Variants in KMT2D observed in about 807,000 individuals in gnomAD.
The protein encoded by KMT2D is lysine methyltransferase 2D.
In KMT2D, 55 loss-of-function variants were observed where a neutral mutation model predicts 512.7. The observed-to-expected ratio is 0.11, with a 90% CI of 0.09 to 0.13. The LOEUF (loss-of-function observed/expected upper bound fraction) is 0.13, where lower values mean the gene tolerates loss of function less well. KMT2D is among the 10% of genes least tolerant of loss of function. KMT2D has a pLI of 1.00. For synonymous variants in KMT2D, 2,995 were observed against 2,904.0 expected, an observed-to-expected ratio of 1.03 and a Z score of -1.01; for missense variants, 6,061 against 7,127.9, an observed-to-expected ratio of 0.85 and a Z score of 5.39.
At chr12:49,043,293 T>C (rs2120566032) in intron 25 of KMT2D, 70 bp downstream of exon 25, 1 of 1,565,380 alleles carries the variant, frequency 6.4e-7, no homozygotes, top group Non-Finnish European at 8.8e-7. Context: ...CTGACAATGC[T>C]CAGGGGCACA....
chr12:49,046,798 A>G lies in KMT2D; in HGVS notation c.4237-8T>C. On this transcript the variant is annotated splice_region_variant and splice_polypyrimidine_tract_variant and intron_variant, in intron 15 of 54. Coordinates refer to ENST00000301067, the MANE Select transcript of KMT2D (RefSeq NM_003482.4). The surrounding 1 kb of genome is among the most constrained non-coding windows in gnomAD (Gnocchi z 4.2). ...CAGCATCACCTTGGTGATCTGGGGC[A>G]GAAGATGGGAACTTCTCAGGGTGTG... 1.2e-6 allele frequency: 2 copies of G among 1,609,166 alleles called. No individual in the cohort carries two copies. Among genetic ancestry groups the G allele is most frequent in the South Asian group, 1.1e-5 (1 of 90,720 alleles).
rs1290649229 is a variant in KMT2D at position 49,037,982 on chromosome 12, C to A, written c.9374G>T (p.Gly3125Val). 3 of 1,601,680 alleles carry A rather than the reference C, an allele frequency of 1.9e-6. No homozygotes were observed. Among genetic ancestry groups the A allele is most frequent in the African/African-American group, 2.7e-5 (2 of 74,660 alleles). Residue 3125 changes from glycine to valine, a missense_variant, in exon 35 of 55, where the codon GGT becomes GTT. Transcript: ENST00000301067. ...TTGGCAAGGAGAAGGGTGGCGTCCA[C>A]CCTCCTCCACCTTGGGCTTCACCTC... ...LPEVKPKVEE[G>V]GRHPSPCQFT...
At chr12:49,053,891 A>G (rs2120701280) in intron 6 of KMT2D, 87 bp downstream of exon 6, 15 of 1,395,542 alleles carry the variant, frequency 1.1e-5, no homozygotes, top group Non-Finnish European at 1.5e-5. Context: ...ATAATGCTAT[A>G]CTTTGATCAG....
In KMT2D at chr12:49,047,868, T is replaced by A. The variant is rs188653319; in HGVS notation, c.4236+97A>T. The A allele has an allele frequency of 3.0e-4, 251 of 825,002 alleles. 1 individual carries two copies. In the Admixed American group the frequency reaches 4.6e-3, roughly 15 times the overall value. The allele number at this position is 825,002 out of a possible 1,614,324, so 51.1% of individuals were successfully genotyped here. A position where few individuals can be genotyped will look rare whatever the true frequency, so the allele number is the denominator to read the frequency against. ...GTGACTAATGAACAACCATGACCGA[T>A]GGCCGCTTTAAGAGGTGGTATGGCC... On this transcript the variant is annotated intron_variant, in intron 15 of 54. Coordinates refer to ENST00000301067, the MANE Select transcript of KMT2D (RefSeq NM_003482.4).
intron 47 of KMT2D, 21 bp from the exon 48 acceptor site, chr12:49,027,951 G>C (rs1942687929): frequency 1.9e-6 from 3 of 1,613,566 alleles, no homozygotes; most frequent in East Asian, 2.2e-5. Context: ...GAGTGGATCA[G>C]AGCCTCCCAC....
Position 49,051,156 on chromosome 12 carries a change from A to T in KMT2D, c.2527T>A (p.Ser843Thr), listed in dbSNP as rs2120664251. 2.6e-6 allele frequency: 4 copies of T among 1,514,972 alleles called. No individual in the cohort carries two copies. The highest frequency in any genetic ancestry group is 3.5e-6 in the Non-Finnish European group (4 of 1,129,884). The allele number at this position is 1,514,972 out of a possible 1,614,324, so 93.8% of individuals were successfully genotyped here. The change falls in exon 11 of 55, where the codon TCC (serine) becomes ACC (threonine). Residue 843 changes from serine to threonine, a missense_variant. Coordinates refer to ENST00000301067, the MANE Select transcript of KMT2D (RefSeq NM_003482.4). ...LSPQSEEPCL[S>T]PRPEESHLSP... ...AGATGCGATTCCTCAGGCCGGGGGG[A>T]CAGGCATGGCTCCTCAGACTGGGGG... is the stretch of plus-strand genomic sequence containing the variant.
intron 26 of KMT2D, 66 bp downstream of exon 26, chr12:49,043,010 G>A (rs1943611060): frequency 6.4e-7 from 1 of 1,558,398 alleles, no homozygotes; most frequent in Non-Finnish European, 8.8e-7. Flanking sequence ...CAGTCCCAAA[G>A]ATAGGACCTC....
At position 49,026,467 on chromosome 12, in the gene KMT2D, T is replaced by C. The variant is rs752976776; in HGVS notation, c.15499A>G (p.Ser5167Gly). The change falls in exon 49 of 55, where the codon AGC becomes GGC. Residue 5167 changes from serine (S) to glycine (G), a missense_variant. This residue lies in a region of KMT2D where 261 missense variants were observed against 440.7 expected (regional missense o/e 0.59). Coordinates refer to ENST00000301067, the MANE Select transcript of KMT2D (RefSeq NM_003482.4). This position sits in a 1 kb window ranked among gnomAD's most constrained non-coding sequence, Gnocchi z 9.6. ...IERDEVKQIA[S>G]IIQRGERLHM... The stretch of plus-strand genomic sequence containing the variant: ...AGCCGTTCTCCCCGCTGAATGATGC[T>C]AGCGATTTGCTTCACCTCGTCCCGC... 24 of 1,613,806 alleles carry C rather than the reference T, an allele frequency of 1.5e-5. No homozygotes were observed. In the Admixed American group the frequency reaches 3.8e-4, roughly 26 times the overall value.
chr12:49,042,156 C>A lies in KMT2D; in HGVS notation c.6042G>T (p.Gln2014His), dbSNP rs1161895683. Residue 2014 changes from glutamine (Q) to histidine (H), a missense_variant, in exon 29 of 55, where the codon CAG (glutamine) becomes CAT (histidine). Gln to His is a conservative substitution (Grantham distance 24). This residue lies in a region of KMT2D where 640 missense variants were observed against 814.3 expected (regional missense o/e 0.79). Transcript: ENST00000301067. The surrounding 1 kb of genome is among the most constrained non-coding windows in gnomAD (Gnocchi z 4.4). ...QRWEKDEELGQLSTISPVLYA... is the reference protein window; with the variant it reads ...QRWEKDEELGHLSTISPVLYA... ...AGAGCACAGGTGAGATGGTGGACAGCTGGCCCAACTCCTCATCCTTCTCCC... is the reference window on the plus strand; with the variant it reads ...AGAGCACAGGTGAGATGGTGGACAGATGGCCCAACTCCTCATCCTTCTCCC... The A allele has an allele frequency of 6.2e-7, 1 of 1,613,064 alleles. No homozygotes were observed. Among genetic ancestry groups the A allele is most frequent in the South Asian group, 1.1e-5 (1 of 90,784 alleles).
In KMT2D at chr12:49,038,323, G is replaced by A. The variant is rs763181060; in HGVS notation, c.9033C>T (p.His3011=). ...KALEDDEELA[H]LGLGVDVAKG... ...TGGCCACATCCACACCCAGACCCAG[G>A]TGAGCAAGCTCTTCATCATCCTCTA... is the stretch of plus-strand genomic sequence containing the variant. The change falls in exon 35 of 55, where the codon CAC becomes CAT. Residue 3011 remains histidine (H), a synonymous_variant. Coordinates refer to ENST00000301067, the MANE Select transcript of KMT2D (RefSeq NM_003482.4). The surrounding 1 kb of genome is among the most constrained non-coding windows in gnomAD (Gnocchi z 5.7). The A allele has an allele frequency of 3.7e-6, 6 of 1,613,856 alleles. No individual in the cohort carries two copies. In the South Asian group the frequency reaches 6.6e-5, roughly 18 times the overall value.
intron 35 of KMT2D, among the ~76,000 whole-genome samples, chr12:49,036,720 G>T (rs994579236): frequency 6.6e-6 from 1 of 151,980 alleles, no homozygotes; most frequent in African/African-American, 2.4e-5. Context: ...GGCTGGTCTT[G>T]AACTCCTGAT....
rs587778466 is a variant in KMT2D at position 49,040,541 on chromosome 12, C to A, written c.7229G>T (p.Arg2410Leu). 6.2e-7 allele frequency: 1 copy of A among 1,604,670 alleles called. No homozygotes were observed. Among genetic ancestry groups the A allele is most frequent in the East Asian group, 2.2e-5 (1 of 44,670 alleles). Residue 2410 changes from arginine (R) to leucine (L), a missense_variant, in exon 32 of 55, where the codon CGA (arginine) becomes CTA (leucine). Arg to Leu is a moderately radical substitution (Grantham distance 102). This residue lies in a region of KMT2D where 710 missense variants were observed against 647.3 expected (regional missense o/e 1.10). Coordinates refer to ENST00000301067, the MANE Select transcript of KMT2D (RefSeq NM_003482.4). ...CTGGGACTGAGGACTGGCAGGCACT[C>A]GGGAGAAAGGGTCGGAGGGCAGTGA... The part of the protein sequence containing the change: ...PRSLPSDPFS[R>L]VPASPQSQSS...
In KMT2D at chr12:49,052,936, T is replaced by C. The variant is rs372119165; in HGVS notation, c.1091A>G (p.Gln364Arg). The C allele has an allele frequency of 3.7e-5, 60 of 1,613,914 alleles. No homozygotes were observed. Among genetic ancestry groups the C allele is most frequent in the Non-Finnish European group, 4.7e-5 (56 of 1,179,882 alleles). The change falls in exon 9 of 55, where the codon CAG (glutamine) becomes CGG (arginine). Residue 364 changes from glutamine (Q) to arginine (R), a missense_variant. By Grantham distance (43) the Gln-to-Arg change is conservative. This residue lies in a region of KMT2D where 848 missense variants were observed against 838.5 expected (regional missense o/e 1.01). Coordinates refer to ENST00000301067, the MANE Select transcript of KMT2D (RefSeq NM_003482.4). Reference protein sequence around the residue: ...GGQTIRSVAEQHTPVCSRFSP... With the variant: ...GGQTIRSVAERHTPVCSRFSP... ...TTACCTGCTACACACCGGGGTATGC[T>C]GCTCAGCAACGGAGCGGATAGTCTG...
chr12:49,038,203 T>G lies in KMT2D; in HGVS notation c.9153A>C (p.Ala3051=), dbSNP rs1393695770. ...LLNGDEFDLL[A]YTDPELDTGD... ...CAGTGTCCAGCTCAGGATCAGTATA[T>G]GCCAGCAGGTCAAACTCGTCTCCAT... Residue 3051 remains alanine (A), a synonymous_variant, in exon 35 of 55, where the codon GCA becomes GCC. Transcript: ENST00000301067. The surrounding 1 kb of genome is among the most constrained non-coding windows in gnomAD (Gnocchi z 5.7). 3.7e-6 allele frequency: 6 copies of G among 1,613,888 alleles called. No individual in the cohort carries two copies. The highest frequency in any genetic ancestry group is 1.7e-5 in the Admixed American group (1 of 60,028).
intron 1 of KMT2D, among the ~76,000 whole-genome samples, chr12:49,055,782 C>A (rs1175472741): frequency 6.6e-6 from 1 of 152,178 alleles, no homozygotes; most frequent in Admixed American, 6.5e-5. Flanking sequence ...TCTGTGCCAA[C>A]CCAGGGGTAG....
At chr12:49,028,362 C>T (rs76399586) in intron 46 of KMT2D, among the ~76,000 whole-genome samples, 2 of 152,306 alleles carry the variant, frequency 1.3e-5, no homozygotes, top group African/African-American at 4.8e-5. Context: ...ACATCAACTA[C>T]GTTTAGGAAA....
intron 36 of KMT2D, 72 bp downstream of exon 36, chr12:49,034,740 T>C (rs1464548062): frequency 1.9e-6 from 3 of 1,605,636 alleles, no homozygotes; most frequent in Admixed American, 1.7e-5. Flanking sequence ...GTGGGACAAG[T>C]AGGGAGGGGA....
rs1164333482 is a variant in KMT2D at position 49,042,259 on chromosome 12, G to A, written c.5939C>T (p.Thr1980Met). ...DSPWTGSGGT[T>M]PSTPTTPTTE... ...GGTGGGGGTTGTGGGGGTGGAGGGC[G>A]TGGTGCCACCTGAGCCCGTCCAGGG... Residue 1980 changes from threonine to methionine, a missense_variant, in exon 29 of 55, where the codon ACG (threonine) becomes ATG (methionine). Physicochemically the swap from Thr to Met is moderately conservative, Grantham distance 81 (BLOSUM62 -1). Around this residue, in one of 16 missense-constraint regions of KMT2D, gnomAD observed 640 missense variants for 814.3 expected, o/e 0.79. Transcript: ENST00000301067. This position sits in a 1 kb window ranked among gnomAD's most constrained non-coding sequence, Gnocchi z 4.4. The A allele has an allele frequency of 4.4e-6, 7 of 1,581,644 alleles. No individual in the cohort carries two copies. The highest frequency in any genetic ancestry group is 6.0e-6 in the Non-Finnish European group (7 of 1,164,206).
chr12:49,043,313 C>G (rs752815835), intron 25 of KMT2D, 50 bp downstream of exon 25: 15 of 1,590,086 alleles, frequency 9.4e-6, no homozygotes, highest in African/African-American at 1.3e-5. Flanking sequence ...AGCAGAGGGA[C>G]AGAGGCAAGC....
Sources: allele counts gnomAD v4.1 joint callset (sites outside exome capture counted in the v4.1 genomes callset), GRCh38; gene constraint gnomAD v4.1.1; regional missense constraint gnomAD v4.1.1; non-coding constraint Gnocchi (gnomAD v3.1); transcripts MANE v1.5; gene names NCBI Gene and HGNC (gene_info 2026-07-23, HGNC 2026-07-21).